TEDC1: variants seen among roughly 807,000 people sequenced by gnomAD.
The protein encoded by TEDC1 is tubulin epsilon and delta complex protein 1.
Under a neutral mutation model 59.9 loss-of-function variants are expected in TEDC1, and 54 were observed. That is an observed-to-expected ratio of 0.90 (90% CI 0.72 to 1.13). The LOEUF (loss-of-function observed/expected upper bound fraction) is 1.13, where lower values mean the gene tolerates loss of function less well. Ranked by LOEUF, TEDC1 falls within the 50% of genes most tolerant of loss-of-function variation. The pLI, the probability that TEDC1 is intolerant of heterozygous loss-of-function variation, is 0.00. For missense variants in TEDC1, 734 were observed against 683.4 expected (o/e 1.07, Z -0.83); for synonymous variants, 353 against 298.1 (o/e 1.18, Z -1.90).
At chr14:105,490,953 G>A, upstream of TEDC1, 1 of 1,339,098 alleles carries the variant, frequency 7.5e-7, no homozygotes, top group East Asian at 2.5e-5. Context: ...TGCAAGGGCG[G>A]ACTCTGCGGT....
At position 105,491,631 on chromosome 14, in the gene TEDC1, C is replaced by G. The variant is rs781787303; in HGVS notation, c.157C>G (p.Leu53Val). Residue 53 changes from leucine to valine, a missense_variant, in exon 2 of 9, where the codon CTC becomes GTC. Transcript: ENST00000392523. ...TTTTTATTTTCCGCAGACCTCCGCGCTCTGGCAGCTCCTCTTCCGTGTGCT... is the reference window on the plus strand; with the variant it reads ...TTTTTATTTTCCGCAGACCTCCGCGGTCTGGCAGCTCCTCTTCCGTGTGCT... ...KFDRPEATSA[L>V]WQLLFRVLSP... 2 of 1,549,726 alleles carry G rather than the reference C, an allele frequency of 1.3e-6. No homozygotes were observed. The highest frequency in any genetic ancestry group is 1.7e-6 in the Non-Finnish European group (2 of 1,146,820).
rs587604755 is a variant in TEDC1, at chr14:105,499,121, G to A, written c.*175G>A. 3.6e-5 allele frequency: 25 copies of A among 693,678 alleles called. No homozygotes were observed. In the South Asian group the frequency reaches 4.6e-4, roughly 13 times the overall value. 43.0% of individuals were successfully genotyped at this position (693,678 alleles called of 1,614,324 possible). A position where few individuals can be genotyped will look rare whatever the true frequency, so the allele number is the denominator to read the frequency against. On this transcript the variant is annotated 3_prime_UTR_variant, in exon 9 of 9. Transcript: ENST00000392523. Reference sequence around the variant, plus strand: ...GACTCTGGCCGGATCCCAGGCCTGTGGCTAGCAGCACTGGGGACAGGAATG... The same window carrying A: ...GACTCTGGCCGGATCCCAGGCCTGTAGCTAGCAGCACTGGGGACAGGAATG...
At chr14:105,493,955 CG>C (rs781787226) in intron 5 of TEDC1, 22 bp downstream of exon 5, 35 of 98,718 alleles carry the variant, frequency 3.5e-4, no homozygotes, top group Admixed American at 2.7e-3. Flanking sequence ...CAAGCTGCTG[CG>C]GGGGGGTGGG....
upstream of TEDC1, chr14:105,491,125 G>A (rs781966169): frequency 1.3e-6 from 2 of 1,551,162 alleles, no homozygotes; most frequent in South Asian, 2.4e-5. Context: ...CGCGGTGATT[G>A]GGTACAGGTC....
chr14:105,498,286 ACTC>A (rs2084392955), intron 8 of TEDC1, among the ~76,000 whole-genome samples: 2 of 151,408 alleles, frequency 1.3e-5, no homozygotes, highest in Admixed American at 6.6e-5. Flanking sequence ...GGTAGTAGTC[ACTC>A]CTCCACACCT....
chr14:105,493,082 G>C (rs932909138), intron 4 of TEDC1, among the ~76,000 whole-genome samples: 6 of 152,172 alleles, frequency 3.9e-5, no homozygotes, highest in African/African-American at 1.4e-4. Context: ...GGCACTGGAG[G>C]GGGAGGAAGA....
At chr14:105,497,163 G>C in intron 6 of TEDC1, 194 bp from the exon 7 acceptor site, 1 of 653,144 alleles carries the variant, frequency 1.5e-6, no homozygotes, top group Non-Finnish European at 2.7e-6. Flanking sequence ...GTGGGCTGTG[G>C]CGTCCGCACC....
rs587633103 is a variant in TEDC1 at position 105,499,062 on chromosome 14, C to T, written c.*116C>T. ...AGGGACGATGCAGATGCAGAGCCCACGTCACATGCTCGCTCCAGGGGTGGG... is the reference window on the plus strand; with the variant it reads ...AGGGACGATGCAGATGCAGAGCCCATGTCACATGCTCGCTCCAGGGGTGGG... On this transcript the variant is annotated 3_prime_UTR_variant, in exon 9 of 9. Transcript: ENST00000392523. 2.0e-4 allele frequency: 232 copies of T among 1,137,264 alleles called. No homozygotes were observed. Among genetic ancestry groups the T allele is most frequent in the Non-Finnish European group, 2.3e-4 (192 of 821,058 alleles). 70.4% of individuals were successfully genotyped at this position (1,137,264 alleles called of 1,614,324 possible). A position where few individuals can be genotyped will look rare whatever the true frequency, so the allele number is the denominator to read the frequency against.
intron 6 of TEDC1, 60 bp downstream of exon 6, chr14:105,496,146 GGGT>G: frequency 3.0e-6 from 1 of 331,606 alleles, no homozygotes; most frequent in Non-Finnish European, 5.9e-6. Flanking sequence ...GGGTGGGAGG[GGGT>G]GGCGAGGGGG....
In TEDC1 at chr14:105,498,640, A is replaced by C; in HGVS notation, c.1182A>C (p.Pro394=). 1 of 1,552,106 alleles carries C rather than the reference A, an allele frequency of 6.4e-7. No individual in the cohort carries two copies. Among genetic ancestry groups the C allele is most frequent in the African/African-American group, 1.4e-5 (1 of 73,444 alleles). The change falls in exon 9 of 9, where the codon CCA becomes CCC. Residue 394 remains proline (P), a synonymous_variant. Transcript: ENST00000392523. ...EAKAGGCGRG[P]EWSAARRASR... is the part of the protein sequence containing the mutation. ...AGGCTGGAGGCTGTGGACGGGGGCC[A>C]GAGTGGAGTGCCGCGCGGCGGGCCT...
At chr14:105,498,582 G>A in intron 8 of TEDC1, 35 bp from the exon 9 acceptor site, 1 of 1,502,316 alleles carries the variant, frequency 6.7e-7, no homozygotes, top group Non-Finnish European at 8.9e-7. Flanking sequence ...CAGTGTCCTG[G>A]GGGGACAGAG....
intron 8 of TEDC1, 118 bp downstream of exon 8, chr14:105,498,095 C>G (rs1555440893): frequency 7.8e-7 from 1 of 1,285,462 alleles, no homozygotes; most frequent in African/African-American, 1.5e-5. Context: ...TGGCAGGGGA[C>G]ACACTTAGAG....
At chr14:105,498,125 G>A (rs879977474) in intron 8 of TEDC1, 148 bp downstream of exon 8, 19 of 1,037,108 alleles carry the variant, frequency 1.8e-5, no homozygotes, top group African/African-American at 6.6e-5. Context: ...CTGAGGGAGC[G>A]GGAGGGCACC....
chr14:105,493,054 G>A (rs60349671), intron 4 of TEDC1, among the ~76,000 whole-genome samples: 17,325 of 152,142 alleles, frequency 0.11, 2,643 homozygotes, highest in African/African-American at 0.34. Flanking sequence ...TCTGTGCCAT[G>A]AAAGCCACTC....
intron 2 of TEDC1, 126 bp downstream of exon 2, chr14:105,491,826 G>T: frequency 8.5e-7 from 1 of 1,171,896 alleles, no homozygotes; most frequent in South Asian, 1.4e-5. Context: ...GACCCCGCTT[G>T]CTCCTCAAAA....
intron 2 of TEDC1, 54 bp from the exon 3 acceptor site, chr14:105,492,053 G>A: frequency 1.3e-6 from 2 of 1,522,024 alleles, no homozygotes; most frequent in Non-Finnish European, 1.8e-6. Flanking sequence ...AGGGATCCAG[G>A]TGGTGTCACC....
In TEDC1 at chr14:105,495,863, G is replaced by C. The variant is rs1555440324; in HGVS notation, c.685-17G>C. On this transcript the variant is annotated splice_polypyrimidine_tract_variant and intron_variant, in intron 5 of 8. Coordinates refer to ENST00000392523, the MANE Select transcript of TEDC1 (RefSeq NM_001367178.1). ...ACTGGCCAGGTGGACTGGGGCCATG[G>C]CTGGCTTCCTTCCAAGGTTTCTGGA... 5.2e-6 allele frequency: 8 copies of C among 1,538,602 alleles called. No homozygotes were observed. The highest frequency in any genetic ancestry group is 1.7e-4 in the Middle Eastern group (1 of 5,934).
chr14:105,494,556 T>C (rs1306200564), intron 5 of TEDC1: 1 of 154,652 alleles, frequency 6.5e-6, no homozygotes, highest in Non-Finnish European at 1.4e-5. Context: ...CGGGGCTCTG[T>C]GGTCCCAGGC....
intron 5 of TEDC1, 63 bp downstream of exon 5, chr14:105,493,996 G>T: frequency 4.1e-6 from 1 of 244,992 alleles, no homozygotes; most frequent in Non-Finnish European, 7.6e-6. Flanking sequence ...CAGGGGGACT[G>T]CCCAGGGTGG....
Sources: gnomAD v4.1 joint callset for allele counts (sites outside exome capture counted in the v4.1 genomes callset) on GRCh38, gnomAD v4.1.1 for gene constraint, MANE v1.5 for transcripts, NCBI Gene and HGNC (gene_info 2026-07-23, HGNC 2026-07-21) for gene names.